Variants in ANKFN1 observed in about 807,000 individuals in gnomAD.
The protein encoded by ANKFN1 is ankyrin repeat and fibronectin type-III domain-containing protein 1.
A neutral mutation model predicts 108.7 loss-of-function variants in ANKFN1; 74 were observed. That is an observed-to-expected ratio of 0.68 (90% confidence interval 0.56 to 0.83). The LOEUF (loss-of-function observed/expected upper bound fraction) is 0.83. Among genes scored for constraint, ANKFN1 ranks in the 40% least tolerant of loss-of-function variants. ANKFN1 has a pLI of 0.00. For missense variants in ANKFN1, 1,505 were observed against 1,382.3 expected (o/e 1.09, Z -1.41); for synonymous variants, 547 against 516.2 (o/e 1.06, Z -0.81).
chr17:56,310,304 G>C (rs1430069504), intron 3 of ANKFN1, among the ~76,000 whole-genome samples: 1 of 152,214 alleles, frequency 6.6e-6, no homozygotes, highest in Non-Finnish European at 1.5e-5. Flanking sequence ...CAAATTAGGA[G>C]AGACTGCTGT....
chr17:56,502,470 G>C (rs981610109), intron 20 of ANKFN1, among the ~76,000 whole-genome samples: 3 of 152,162 alleles, frequency 2.0e-5, no homozygotes, highest in African/African-American at 2.4e-5. Flanking sequence ...AAGATTCCAT[G>C]AGCTATGAAA....
chr17:56,112,897 A>G (rs1214995685), intron 4 of ANKFN1, among the ~76,000 whole-genome samples: 1 of 152,248 alleles, frequency 6.6e-6, no homozygotes, highest in Non-Finnish European at 1.5e-5. Context: ...ACATGCATAC[A>G]TATGCATGTC....
At chr17:56,499,638 A>G (rs1051386565) in intron 20 of ANKFN1, among the ~76,000 whole-genome samples, 2 of 152,164 alleles carry the variant, frequency 1.3e-5, no homozygotes, top group African/African-American at 4.8e-5. Flanking sequence ...AACTGAGTCC[A>G]TGTAAGTAGC....
chr17:56,204,851 G>A (rs1038411687), intron 1 of ANKFN1, among the ~76,000 whole-genome samples: 4 of 151,964 alleles, frequency 2.6e-5, no homozygotes, highest in Non-Finnish European at 5.9e-5. Flanking sequence ...CGAGGTGGGC[G>A]GATCACGAGG....
intron 8 of ANKFN1, among the ~76,000 whole-genome samples, chr17:56,375,205 G>A (rs934197336): frequency 1.3e-5 from 2 of 152,146 alleles, no homozygotes; most frequent in Non-Finnish European, 2.9e-5. Context: ...GGATCAGTAA[G>A]GGTTCCCTAG....
intron 4 of ANKFN1, among the ~76,000 whole-genome samples, chr17:56,343,001 T>C (rs897884530): frequency 3.3e-5 from 5 of 152,080 alleles, no homozygotes; most frequent in African/African-American, 1.2e-4. Context: ...TTAAGATATT[T>C]AAGATAGTTA....
At chr17:56,331,414 A>T (rs1219843371) in intron 4 of ANKFN1, among the ~76,000 whole-genome samples, 5 of 152,198 alleles carry the variant, frequency 3.3e-5, no homozygotes, top group Admixed American at 3.3e-4. Flanking sequence ...ACTGCTTCTC[A>T]TCCAGACTGG....
At chr17:56,497,429 T>A (rs572091095) in intron 19 of ANKFN1, among the ~76,000 whole-genome samples, 27 of 152,276 alleles carry the variant, frequency 1.8e-4, no homozygotes, top group South Asian at 1.2e-3. Flanking sequence ...AAAACGGCTG[T>A]AAGACCATAC....
chr17:56,125,066 C>A (rs796461642), intron 4 of ANKFN1, among the ~76,000 whole-genome samples: 53 of 152,332 alleles, frequency 3.5e-4, no homozygotes, highest in African/African-American at 1.2e-3. Flanking sequence ...CTGCAAACAC[C>A]ATTTTCCCAT....
intron 8 of ANKFN1, among the ~76,000 whole-genome samples, chr17:56,377,421 A>C (rs2046974417): frequency 6.6e-6 from 1 of 151,686 alleles, no homozygotes; most frequent in Non-Finnish European, 1.5e-5. Flanking sequence ...CAAACCTAGG[A>C]AACAGTTTTC....
intron 8 of ANKFN1, among the ~76,000 whole-genome samples, chr17:56,409,881 C>A (rs962159498): frequency 1.6e-5 from 1 of 63,156 alleles, no homozygotes; most frequent in South Asian, 4.2e-4. Flanking sequence ...AGTTACTTAA[C>A]CCCTCTGCCT....
intron 12 of ANKFN1, 146 bp from the exon 13 acceptor site, chr17:56,457,111 C>G: frequency 1.8e-6 from 2 of 1,120,172 alleles, no homozygotes; most frequent in Non-Finnish European, 2.5e-6. Context: ...GTAATTTTCT[C>G]TCTTTTGAGT....
intron 4 of ANKFN1, among the ~76,000 whole-genome samples, chr17:56,098,824 G>C (rs1285204118): frequency 1.3e-5 from 2 of 151,956 alleles, no homozygotes; most frequent in Non-Finnish European, 2.9e-5. Context: ...CTGCTGCCGA[G>C]AGTAAATCTC....
At chr17:56,484,557 T>C (rs893091626) in intron 18 of ANKFN1, among the ~76,000 whole-genome samples, 1 of 152,182 alleles carries the variant, frequency 6.6e-6, no homozygotes, top group Non-Finnish European at 1.5e-5. Context: ...AAGGAAGTGA[T>C]GCTTTTAGCT....
intron 6 of ANKFN1, among the ~76,000 whole-genome samples, chr17:56,364,602 C>A (rs1009058358): frequency 6.6e-6 from 1 of 152,236 alleles, no homozygotes; most frequent in South Asian, 2.1e-4. Flanking sequence ...ATAATCCACT[C>A]AAGTGGCTTG....
At position 56,136,524 on chromosome 17, in the gene ANKFN1, T is replaced by C. The variant is rs190723983; in HGVS notation, c.288+90199T>C. On this transcript the variant is annotated intron_variant, in intron 4 of 12. Coordinates refer to the ANKFN1 transcript ENST00000635860. The stretch of plus-strand genomic sequence containing the variant: ...GACAATTCTGCCCTGATCAACAGAG[T>C]GGAAACAGGGTTTTTGTCAGAGAGA... Among the ~76,000 whole-genome samples, 89 of 152,064 alleles carry C rather than the reference T, an allele frequency of 5.9e-4. 1 individual carries two copies. Among genetic ancestry groups the C allele is most frequent in the African/African-American group, 1.8e-3 (76 of 41,448 alleles).
chr17:56,285,391 T>C (rs1300357991), intron 3 of ANKFN1, among the ~76,000 whole-genome samples: 2 of 152,164 alleles, frequency 1.3e-5, no homozygotes, highest in Admixed American at 1.3e-4. Flanking sequence ...TTCCTTCTAC[T>C]CCTTTTCTTA....
intron 14 of ANKFN1, among the ~76,000 whole-genome samples, chr17:56,462,446 T>A (rs2049935769): frequency 6.6e-6 from 1 of 151,978 alleles, no homozygotes; most frequent in African/African-American, 2.4e-5. Context: ...AATACAAAAT[T>A]AGCTGGGCGT....
In ANKFN1 at chr17:56,185,642, C is replaced by T. The variant is rs559741183; in HGVS notation, c.-70-26956C>T. ...TGGCAAAGCAAACTGCTCCCTCCCA[C>T]CACAGAGTTAAAAACAATGTCCAGC... On this transcript the variant is annotated intron_variant, in intron 1 of 20. Transcript: ENST00000682825. 5.3e-5 allele frequency among the ~76,000 whole-genome samples: 8 copies of T among 152,264 alleles called. No individual in the cohort carries two copies. The East Asian group carries it at 1.5e-3, about 29-fold the overall frequency.
Sources: gnomAD v4.1 joint callset for allele counts (sites outside exome capture counted in the v4.1 genomes callset) on GRCh38, gnomAD v4.1.1 for gene constraint, MANE v1.5 for transcripts, NCBI Gene and HGNC (gene_info 2026-07-23, HGNC 2026-07-21) for gene names.